Variants in SMYD3 observed in about 807,000 individuals in gnomAD.
SMYD3 encodes the protein histone-lysine N-methyltransferase SMYD3.
A neutral mutation model predicts 57.7 loss-of-function variants in SMYD3; 36 were observed. The observed-to-expected ratio is 0.62, with a 90% CI of 0.48 to 0.82. SMYD3 has a LOEUF of 0.82. Among genes scored for constraint, SMYD3 ranks in the 40% least tolerant of loss-of-function variants. SMYD3 has a pLI of 0.00. For synonymous variants in SMYD3, 211 were observed against 195.0 expected, an observed-to-expected ratio of 1.08 and a Z score of -0.68; for missense variants, 515 against 538.8, an observed-to-expected ratio of 0.96 and a Z score of 0.44.
At chr1:245,927,510 G>A (rs2056453033) in intron 7 of SMYD3, among the ~76,000 whole-genome samples, 1 of 152,192 alleles carries the variant, frequency 6.6e-6, no homozygotes, top group South Asian at 2.1e-4. Flanking sequence ...TGTAGCCAGT[G>A]GCCTTCCGAG....
chr1:246,145,542 T>C (rs1209973927), intron 5 of SMYD3, among the ~76,000 whole-genome samples: 1 of 152,212 alleles, frequency 6.6e-6, no homozygotes, highest in Non-Finnish European at 1.5e-5. Flanking sequence ...GATTAACTGC[T>C]ATATACTCAC....
rs188413703 is a variant in SMYD3, at chr1:246,415,143, T to C, written c.165-60049A>G. On this transcript the variant is annotated intron_variant, in intron 1 of 11. Coordinates refer to ENST00000490107, the MANE Select transcript of SMYD3 (RefSeq NM_001167740.2). ...TTTCATATTACTGTAATGAAGATAA[T>C]AGCCAAAACATGATAATAAAACTAA... is the stretch of plus-strand genomic sequence containing the variant. Among the ~76,000 whole-genome samples the C allele has an allele frequency of 5.4e-4, 82 of 152,278 alleles. 2 individuals carry two copies. Among genetic ancestry groups the C allele is most frequent in the East Asian group, 1.9e-4 (1 of 5,172 alleles).
chr1:245,759,964 C>T (rs1284003605), intron 11 of SMYD3, among the ~76,000 whole-genome samples: 1 of 152,106 alleles, frequency 6.6e-6, no homozygotes, highest in African/African-American at 2.4e-5. Context: ...AAATTAGTAG[C>T]AAACAAAAGC....
At chr1:246,234,110 A>G (rs1184605777) in intron 5 of SMYD3, among the ~76,000 whole-genome samples, 2 of 134,574 alleles carry the variant, frequency 1.5e-5, no homozygotes, top group Non-Finnish European at 3.2e-5. Flanking sequence ...TACCACACAG[A>G]GGAGAAGCAC....
chr1:246,391,394 AAGAGAGAGAGAGAAAGAGAGAGAAAAAG>A (rs889984850), intron 1 of SMYD3, among the ~76,000 whole-genome samples: 9 of 90,234 alleles, frequency 1.0e-4, no homozygotes, highest in Non-Finnish European at 1.9e-4. Context: ...GAGAGAGAGA[AAGAGAGAGAGAGAAAGAGAGAGAAAAAG>A]AGAGAGAGAG....
At chr1:246,506,989 G>GCCCCCCCCCCCCCCCCCCCC in intron 1 of SMYD3, 65 bp downstream of exon 1, 11 of 649,304 alleles carry the variant, frequency 1.7e-5, no homozygotes, top group Non-Finnish European at 2.1e-5. Flanking sequence ...GCCGCCCGAC[G>GCCCCCCCCCCCCCCCCCCCC]CCCCCCCCTC....
At chr1:246,492,727 A>G (rs1176146634) in intron 1 of SMYD3, among the ~76,000 whole-genome samples, 1 of 152,234 alleles carries the variant, frequency 6.6e-6, no homozygotes, top group Non-Finnish European at 1.5e-5. Context: ...AACTACATGT[A>G]CCACTACAAA....
chr1:245,824,994 G>C (rs1191439255), intron 10 of SMYD3, among the ~76,000 whole-genome samples: 1 of 152,120 alleles, frequency 6.6e-6, no homozygotes, highest in Non-Finnish European at 1.5e-5. Context: ...TCGTGCCACT[G>C]CACTCCAGCC....
rs1274656175 is a variant in SMYD3, at chr1:245,861,192, A to G, written c.902-2522T>C. ...TTTAACTAAGAGGCTTTTCCCCCCA[A>G]GCTACTACTGACATGTATTTGCTCA... On this transcript the variant is annotated intron_variant, in intron 9 of 11. Coordinates refer to ENST00000490107, the MANE Select transcript of SMYD3 (RefSeq NM_001167740.2). 3.3e-5 allele frequency among the ~76,000 whole-genome samples: 5 copies of G among 152,314 alleles called. No homozygotes were observed. The East Asian group carries it at 9.7e-4, about 29-fold the overall frequency.
chr1:246,152,260 G>A (rs923430906), intron 5 of SMYD3, among the ~76,000 whole-genome samples: 1 of 152,208 alleles, frequency 6.6e-6, no homozygotes, highest in African/African-American at 2.4e-5. Context: ...GGATGACGAT[G>A]TAGAGAAGTG....
At chr1:246,343,155 T>TGATCTAATGAGAGATCATATGAAGACGA (rs2065658057) in intron 2 of SMYD3, among the ~76,000 whole-genome samples, 1 of 152,226 alleles carries the variant, frequency 6.6e-6, no homozygotes, top group Admixed American at 6.5e-5. Context: ...AGCCAATGCT[T>TGATCTAATGAGAGATCATATGAAGACGA]GATCTAATGA....
At chr1:245,771,574 T>C (rs990577069) in intron 10 of SMYD3, among the ~76,000 whole-genome samples, 1 of 152,170 alleles carries the variant, frequency 6.6e-6, no homozygotes, top group Non-Finnish European at 1.5e-5. Flanking sequence ...ATAGACTTGA[T>C]AGCTAGAATA....
At chr1:246,112,595 CTACAA>C (rs1265798771) in intron 5 of SMYD3, among the ~76,000 whole-genome samples, 1 of 152,074 alleles carries the variant, frequency 6.6e-6, no homozygotes, top group East Asian at 1.9e-4. Context: ...CCTTCATATG[CTACAA>C]TACAAGGCTA....
chr1:246,328,284 C>T (rs1451310908), intron 4 of SMYD3, among the ~76,000 whole-genome samples: 1 of 152,166 alleles, frequency 6.6e-6, no homozygotes. Context: ...AAAGTTCTAA[C>T]GCCAATACTA....
chr1:246,468,844 T>C (rs2103046434), intron 1 of SMYD3, among the ~76,000 whole-genome samples: 1 of 151,964 alleles, frequency 6.6e-6, no homozygotes, highest in East Asian at 1.9e-4. Flanking sequence ...GGCATGGTGG[T>C]ACATGCCTGG....
intron 10 of SMYD3, among the ~76,000 whole-genome samples, chr1:245,817,921 T>C (rs1457971252): frequency 3.9e-5 from 6 of 152,136 alleles, no homozygotes; most frequent in Non-Finnish European, 7.4e-5. Flanking sequence ...CTACGTCTGA[T>C]TGGTGTACCT....
chr1:246,002,193 A>G (rs2059063776), intron 5 of SMYD3, among the ~76,000 whole-genome samples: 1 of 151,694 alleles, frequency 6.6e-6, no homozygotes, highest in Non-Finnish European at 1.5e-5. Context: ...TTTTTATTTT[A>G]TTATTTTTTT....
intron 5 of SMYD3, among the ~76,000 whole-genome samples, chr1:246,127,396 T>C (rs1283771512): frequency 6.6e-6 from 1 of 152,152 alleles, no homozygotes; most frequent in Admixed American, 6.5e-5. Flanking sequence ...CATTTTAGTG[T>C]GATGATACTG....
At chr1:246,049,123 G>A (rs1464659290) in intron 5 of SMYD3, among the ~76,000 whole-genome samples, 1 of 152,106 alleles carries the variant, frequency 6.6e-6, no homozygotes, top group Non-Finnish European at 1.5e-5. Context: ...GGAGGAGCAA[G>A]TGTGAGCATG....
Sources: allele counts gnomAD v4.1 joint callset (sites outside exome capture counted in the v4.1 genomes callset), GRCh38; gene constraint gnomAD v4.1.1; transcripts MANE v1.5; gene names NCBI Gene and HGNC (gene_info 2026-07-23, HGNC 2026-07-21).